KDM6A: variants seen among roughly 807,000 people sequenced by gnomAD.
The protein encoded by KDM6A is lysine demethylase 6A.
A neutral mutation model predicts 117.6 loss-of-function variants in KDM6A; 11 were observed. The ratio of observed to expected loss-of-function variants is 0.09; its 90% CI spans 0.06 to 0.15. KDM6A has a LOEUF of 0.15. KDM6A is among the 10% of genes least tolerant of loss of function. KDM6A has a pLI of 1.00. For synonymous variants in KDM6A, 384 were observed against 396.1 expected (o/e 0.97, Z 0.36); for missense variants, 799 against 1,077.3 (o/e 0.74, Z 3.62).
At chrX:44,874,298 C>A (rs2031239123) in intron 2 of KDM6A, among the ~76,000 whole-genome samples, 1 of 111,608 alleles carries the variant, frequency 9.0e-6, no homozygotes. Context: ...TTCGAGGTGC[C>A]TGTTTAGGGT....
chrX:44,972,386 T>C (rs924262169), intron 3 of KDM6A, among the ~76,000 whole-genome samples: 8 of 108,748 alleles, frequency 7.4e-5, no homozygotes, highest in African/African-American at 1.1e-4. Context: ...AGTGTTCTCT[T>C]GCCTTTCTTT....
At chrX:44,993,157 A>T (rs2040703025) in intron 4 of KDM6A, among the ~76,000 whole-genome samples, 1 of 111,813 alleles carries the variant, frequency 8.9e-6, no homozygotes, top group Non-Finnish European at 1.9e-5. Flanking sequence ...AGAATCTTCT[A>T]AGAAATGCTA....
intron 4 of KDM6A, among the ~76,000 whole-genome samples, chrX:44,983,626 A>C (rs1191511341): frequency 1.1e-5 from 1 of 89,071 alleles, no homozygotes; most frequent in Non-Finnish European, 2.1e-5. Flanking sequence ...ATGTATTCTC[A>C]TTGTTCAATT....
intron 5 of KDM6A, among the ~76,000 whole-genome samples, chrX:45,019,167 C>T (rs1347568935): frequency 9.0e-6 from 1 of 111,205 alleles, no homozygotes; most frequent in Non-Finnish European, 1.9e-5. Flanking sequence ...AAGTAGGAAG[C>T]TGCCTTTAAA....
intron 2 of KDM6A, among the ~76,000 whole-genome samples, chrX:44,914,492 A>G (rs1431968830): frequency 9.0e-6 from 1 of 110,560 alleles, no homozygotes; most frequent in Non-Finnish European, 1.9e-5. Context: ...TAGGTAGATA[A>G]AGGAAATGAA....
intron 2 of KDM6A, among the ~76,000 whole-genome samples, chrX:44,911,453 C>A (rs1352964232): frequency 1.8e-5 from 2 of 110,233 alleles, no homozygotes; most frequent in African/African-American, 6.6e-5. Flanking sequence ...AGACGCTCCC[C>A]ACATCTCAGA....
intron 2 of KDM6A, among the ~76,000 whole-genome samples, chrX:44,907,874 G>A (rs1482315037): frequency 2.8e-5 from 3 of 107,868 alleles, no homozygotes; most frequent in Non-Finnish European, 5.7e-5. Flanking sequence ...GGGGCTGCAA[G>A]AAGCATAAGC....
At position 45,011,784 on chromosome X, in the gene KDM6A, T is replaced by A. The variant is rs747447386; in HGVS notation, c.443+765T>A. 3.9e-3 allele frequency among the ~76,000 whole-genome samples: 431 copies of A among 110,887 alleles called. 3 individuals are homozygous for A. The highest frequency in any genetic ancestry group is 0.013 in the African/African-American group (383 of 30,561). ...TGTTTATTTATTTATTTATTTATTT[T>A]ATTTATTTATTTATTTTTTGAGACA... is the stretch of plus-strand genomic sequence containing the variant. On this transcript the variant is annotated intron_variant, in intron 5 of 29. Coordinates refer to ENST00000611820, the MANE Select transcript of KDM6A (RefSeq NM_001291415.2).
intron 15 of KDM6A, among the ~76,000 whole-genome samples, chrX:45,062,198 C>G (rs774740152): frequency 9.0e-6 from 1 of 111,469 alleles, no homozygotes; most frequent in East Asian, 2.8e-4. Flanking sequence ...TGAAGAGCTT[C>G]CTTGTTCTTT....
chrX:45,060,514 T>G, intron 13 of KDM6A, 95 bp from the exon 14 acceptor site: 4 of 714,794 alleles, frequency 5.6e-6, no homozygotes, highest in Non-Finnish European at 7.6e-6. Flanking sequence ...TCCACATAGC[T>G]TTGAAAAGTA....
At chrX:45,042,288 A>G (rs1243365652) in intron 8 of KDM6A, among the ~76,000 whole-genome samples, 2 of 47,348 alleles carry the variant, frequency 4.2e-5, no homozygotes, top group African/African-American at 6.4e-4. Context: ...GGGAGAGGGG[A>G]GAGGGGAGAG....
At chrX:45,045,661 TA>T (rs1416537129) in intron 8 of KDM6A, among the ~76,000 whole-genome samples, 4 of 110,466 alleles carry the variant, frequency 3.6e-5, no homozygotes, top group Non-Finnish European at 7.6e-5. Flanking sequence ...TCACTTAGCA[TA>T]ATGTCTATAT....
intron 18 of KDM6A, among the ~76,000 whole-genome samples, chrX:45,075,004 G>T (rs930509144): frequency 1.8e-5 from 2 of 111,269 alleles, no homozygotes; most frequent in African/African-American, 6.5e-5. Context: ...ATTAGTTTGA[G>T]ATGCTCTTGT....
chrX:45,048,679 A>G (rs762465444), intron 8 of KDM6A, among the ~76,000 whole-genome samples: 1 of 108,731 alleles, frequency 9.2e-6, no homozygotes, highest in Non-Finnish European at 1.9e-5. Context: ...TGAAAATCCA[A>G]GAAAAAGGGA....
intron 4 of KDM6A, among the ~76,000 whole-genome samples, chrX:45,006,745 G>A (rs1396116152): frequency 1.8e-5 from 2 of 111,142 alleles, no homozygotes; most frequent in Admixed American, 9.5e-5. Context: ...TGAACATACT[G>A]ACATATTGAT....
At chrX:44,990,809 A>C (rs181182044) in intron 4 of KDM6A, among the ~76,000 whole-genome samples, 23 of 111,928 alleles carry the variant, frequency 2.1e-4, no homozygotes, top group African/African-American at 7.1e-4. Context: ...TTATTTGACT[A>C]TGTAACTTTG....
intron 2 of KDM6A, among the ~76,000 whole-genome samples, chrX:44,884,446 C>A (rs1338297251): frequency 1.8e-5 from 2 of 111,691 alleles, no homozygotes; most frequent in East Asian, 5.6e-4. Flanking sequence ...CTACCACTTA[C>A]TAGATGTGTG....
intron 17 of KDM6A, among the ~76,000 whole-genome samples, chrX:45,065,128 T>G (rs897496501): frequency 6.2e-5 from 7 of 112,010 alleles, no homozygotes; most frequent in African/African-American, 1.6e-4. Flanking sequence ...CAGGGAAGGC[T>G]TCTCTGAAAG....
chrX:44,873,750 G>A, intron 1 of KDM6A, 38 bp downstream of exon 1: 2 of 1,159,283 alleles, frequency 1.7e-6, no homozygotes, highest in Non-Finnish European at 2.3e-6. Context: ...GGCTCCGGAC[G>A]GGCAGTAGCC....
Sources: allele counts gnomAD v4.1 joint callset (sites outside exome capture counted in the v4.1 genomes callset), GRCh38; gene constraint gnomAD v4.1.1; transcripts MANE v1.5; gene names NCBI Gene and HGNC (gene_info 2026-07-23, HGNC 2026-07-21).